NUP153: variants seen among roughly 807,000 people sequenced by gnomAD.
NUP153 encodes nuclear pore complex protein Nup153.
In NUP153, 27 loss-of-function variants were observed where a neutral mutation model predicts 134.6. The observed-to-expected ratio is 0.20, with a 90% confidence interval of 0.15 to 0.28. NUP153 has a LOEUF of 0.28. NUP153 is among the 10% of genes least tolerant of loss of function. The probability of loss-of-function intolerance (pLI) is 1.00; values close to 1 mark genes in which losing one functional copy is unlikely to be tolerated. For synonymous variants in NUP153, 640 were observed against 623.5 expected, an observed-to-expected ratio of 1.03 and a Z score of -0.40; for missense variants, 1,821 against 1,731.3, an observed-to-expected ratio of 1.05 and a Z score of -0.92.
rs745872601 is a variant in NUP153, at chr6:17,680,388, A to G, written c.335-4618T>C. On this transcript the variant is annotated intron_variant, in intron 2 of 21. Coordinates refer to ENST00000262077, the MANE Select transcript of NUP153 (RefSeq NM_005124.4). The surrounding 1 kb of genome is among the most constrained non-coding windows in gnomAD (Gnocchi z 4.5). ...AGTCTCTTCATTAAATGGTTTTGGA[A>G]AACTGGATATCCACATGAAAAAGAA... Among the ~76,000 whole-genome samples the G allele has an allele frequency of 1.3e-5, 2 of 152,194 alleles. No individual in the cohort carries two copies. Among genetic ancestry groups the G allele is most frequent in the Non-Finnish European group, 2.9e-5 (2 of 68,042 alleles).
chr6:17,676,628 A>G (rs1478222632), intron 2 of NUP153, among the ~76,000 whole-genome samples: 1 of 152,180 alleles, frequency 6.6e-6, no homozygotes, highest in African/African-American at 2.4e-5. Context: ...CTTCTACTGT[A>G]AACAATTATA....
intron 1 of NUP153, among the ~76,000 whole-genome samples, chr6:17,697,883 A>C (rs1769767154): frequency 6.6e-6 from 1 of 152,180 alleles, no homozygotes; most frequent in African/African-American, 2.4e-5. Context: ...AAACCTTTTC[A>C]CAGGAATAAC....
chr6:17,700,525 G>C (rs1479457674), intron 1 of NUP153, among the ~76,000 whole-genome samples: 2 of 152,030 alleles, frequency 1.3e-5, no homozygotes, highest in Non-Finnish European at 2.9e-5. Context: ...AGCAAATAAG[G>C]ATAAAATAAA....
At chr6:17,704,578 C>G (rs913639088) in intron 1 of NUP153, among the ~76,000 whole-genome samples, 1 of 152,088 alleles carries the variant, frequency 6.6e-6, no homozygotes, top group African/African-American at 2.4e-5. Context: ...GAAAACTAAG[C>G]ACTTTATGTA....
chr6:17,660,596 A>G (rs79240416), intron 11 of NUP153, among the ~76,000 whole-genome samples: 6,199 of 150,424 alleles, frequency 0.041, 392 homozygotes, highest in East Asian at 0.29. Flanking sequence ...ATAAGAAATT[A>G]TATATATATC....
At position 17,675,888 on chromosome 6, in the gene NUP153, G is replaced by T. The variant is rs74740181; in HGVS notation, c.335-118C>A. 3.3e-5 allele frequency: 32 copies of T among 955,894 alleles called. No homozygotes were observed. Among genetic ancestry groups the T allele is most frequent in the East Asian group, 2.5e-5 (1 of 40,428 alleles). 59.2% of individuals were successfully genotyped at this position (955,894 alleles called of 1,614,324 possible). A position where few individuals can be genotyped will look rare whatever the true frequency, so the allele number is the denominator to read the frequency against. ...ATAATAGCTTCAATTCAAATCACTG[G>T]GGCATCCCATAATAAGCCCAATATA... On this transcript the variant is annotated intron_variant, in intron 2 of 21. Coordinates refer to ENST00000262077, the MANE Select transcript of NUP153 (RefSeq NM_005124.4). This position sits in a 1 kb window ranked among gnomAD's most constrained non-coding sequence, Gnocchi z 4.4.
At chr6:17,691,508 T>C (rs1769271931) in intron 1 of NUP153, among the ~76,000 whole-genome samples, 1 of 152,212 alleles carries the variant, frequency 6.6e-6, no homozygotes, top group African/African-American at 2.4e-5. Flanking sequence ...CTCATGCCTG[T>C]AATCTCAGCA....
intron 11 of NUP153, chr6:17,651,984 A>AGAATGATG: frequency 1.9e-6 from 1 of 528,236 alleles, no homozygotes; most frequent in Non-Finnish European, 3.6e-6. Flanking sequence ...GGTCCCAGCT[A>AGAATGATG]CTTGGGAGGC....
intron 18 of NUP153, among the ~76,000 whole-genome samples, chr6:17,627,139 T>C (rs1008104031): frequency 6.6e-5 from 10 of 152,178 alleles, no homozygotes; most frequent in African/African-American, 2.2e-4. Flanking sequence ...TGGGCATTAG[T>C]ATGACTTACA....
At chr6:17,647,657 T>C in intron 13 of NUP153, 150 bp downstream of exon 13, 2 of 597,590 alleles carry the variant, frequency 3.3e-6, no homozygotes, top group Non-Finnish European at 3.0e-6. Flanking sequence ...GAAGAATACA[T>C]GATTGTTCAA....
chr6:17,655,143 A>G (rs1387503319), intron 11 of NUP153, among the ~76,000 whole-genome samples: 1 of 152,230 alleles, frequency 6.6e-6, no homozygotes, highest in Non-Finnish European at 1.5e-5. Context: ...CACACAAAAA[A>G]ACTCATGGAT....
chr6:17,668,541 T>G (rs1209624002), intron 8 of NUP153, among the ~76,000 whole-genome samples: 1 of 151,924 alleles, frequency 6.6e-6, no homozygotes, highest in Non-Finnish European at 1.5e-5. Context: ...AATGTCCAAG[T>G]AGAAGAATAC....
intron 1 of NUP153, among the ~76,000 whole-genome samples, chr6:17,693,559 ACCAGCATATCTCTAAGTAGAC>A: frequency 6.6e-6 from 1 of 152,254 alleles, no homozygotes; most frequent in Non-Finnish European, 1.5e-5. Context: ...TCCATTAACC[ACCAGCATATCTCTAAGTAGAC>A]CCTTCTTAAA....
At chr6:17,649,787 T>C (rs1419420973) in intron 11 of NUP153, among the ~76,000 whole-genome samples, 1 of 152,224 alleles carries the variant, frequency 6.6e-6, no homozygotes. Flanking sequence ...TGACTGTGCC[T>C]ACTTATAAAT....
At chr6:17,650,148 TAAAG>T (rs1766429675) in intron 11 of NUP153, among the ~76,000 whole-genome samples, 1 of 152,056 alleles carries the variant, frequency 6.6e-6, no homozygotes, top group Non-Finnish European at 1.5e-5. Context: ...GAAAAAAGTA[TAAAG>T]AAACAATCAT....
rs1217414120 is a variant in NUP153 at position 17,629,365 on chromosome 6, G to A, written c.2834C>T (p.Pro945Leu). 6.8e-6 allele frequency: 11 copies of A among 1,612,844 alleles called. No homozygotes were observed. ...AGAAAATTTAAAGCCTTCACTCATG[G>A]GGTTTATAGACCCAGAATCGGATGA... The part of the protein sequence containing the change: ...GVSSDSGSIN[P>L]MSEGFKFSKP... Residue 945 changes from proline to leucine, a missense_variant, in exon 18 of 22, where the codon CCC (proline) becomes CTC (leucine). Transcript: ENST00000262077.
intron 2 of NUP153, among the ~76,000 whole-genome samples, chr6:17,677,870 G>A (rs1355064670): frequency 2.6e-5 from 4 of 151,180 alleles, no homozygotes; most frequent in Non-Finnish European, 5.9e-5. Context: ...CGTGTTTTCT[G>A]ACTACTGCTT....
At chr6:17,703,801 T>C (rs1770278964) in intron 1 of NUP153, among the ~76,000 whole-genome samples, 2 of 152,078 alleles carry the variant, frequency 1.3e-5, no homozygotes, top group Non-Finnish European at 2.9e-5. Flanking sequence ...AAAGCTAAAA[T>C]ATGTTTTCTT....
At chr6:17,687,212 A>G (rs1252157894) in intron 2 of NUP153, among the ~76,000 whole-genome samples, 1 of 152,228 alleles carries the variant, frequency 6.6e-6, no homozygotes, top group Non-Finnish European at 1.5e-5. Context: ...TCATTAGGAT[A>G]GAAAAGATCA....
Sources: allele counts gnomAD v4.1 joint callset (sites outside exome capture counted in the v4.1 genomes callset), GRCh38; gene constraint gnomAD v4.1.1; non-coding constraint Gnocchi (gnomAD v3.1); transcripts MANE v1.5; gene names NCBI Gene and HGNC (gene_info 2026-07-23, HGNC 2026-07-21).